The following PDGFA variants were observed in gnomAD, a reference collection of about 807,000 sequenced individuals.
The protein encoded by PDGFA is platelet derived growth factor subunit A, also known as platelet-derived growth factor subunit A.
A neutral mutation model predicts 25.6 loss-of-function variants in PDGFA; 9 were observed. The ratio of observed to expected loss-of-function variants is 0.35; its 90% confidence interval spans 0.21 to 0.61. The LOEUF (loss-of-function observed/expected upper bound fraction) is 0.61. Among genes scored for constraint, PDGFA ranks in the 20% least tolerant of loss-of-function variants. The probability of loss-of-function intolerance (pLI) is 0.75; values close to 1 mark genes in which losing one functional copy is unlikely to be tolerated. For synonymous variants in PDGFA, 133 were observed against 111.8 expected (o/e 1.19, Z -1.20); for missense variants, 242 against 272.8 (o/e 0.89, Z 0.79).
intron 4 of PDGFA, among the ~76,000 whole-genome samples, chr7:502,672 C>A (rs951403727): frequency 3.3e-5 from 5 of 152,116 alleles, no homozygotes; most frequent in African/African-American, 1.2e-4. Flanking sequence ...GGGGGTCCTG[C>A]CTCCACAGCC....
intron 3 of PDGFA, among the ~76,000 whole-genome samples, chr7:511,459 C>G (rs142977561): frequency 0.062 from 9,094 of 147,288 alleles, 423 homozygotes; most frequent in Non-Finnish European, 0.095. Context: ...AATCCTACAG[C>G]ACTTGCTGCA....
At chr7:508,146 CG>C (rs1156832568) in intron 4 of PDGFA, among the ~76,000 whole-genome samples, 14 of 152,142 alleles carry the variant, frequency 9.2e-5, no homozygotes, top group Admixed American at 9.2e-4. Flanking sequence ...AAGTCCTTCC[CG>C]GAGAACCTTC....
upstream of PDGFA, chr7:520,154 G>A (rs1179654626): frequency 6.6e-6 from 2 of 304,236 alleles, no homozygotes; most frequent in South Asian, 4.8e-5. Flanking sequence ...ACCGGGTGGG[G>A]AGGGAGGAGG....
chr7:519,127 C>T, exon 1 of PDGFA: 1 of 631,346 alleles, frequency 1.6e-6, no homozygotes, highest in Non-Finnish European at 2.6e-6. Context: ...GAGGGTGGCG[C>T]GGGGAGCACG....
intron 5 of PDGFA, among the ~76,000 whole-genome samples, chr7:498,987 G>T (rs1230876212): frequency 6.6e-6 from 1 of 152,224 alleles, no homozygotes; most frequent in African/African-American, 2.4e-5. Context: ...CCAGACAGAA[G>T]AGTCTGCACC....
In PDGFA at chr7:517,856, C is replaced by A. The variant is rs1409606926; in HGVS notation, c.64-366G>T. ...GTTTCTGATTTAATAGTGAGATCAA[C>A]ATCTAGAAAGATCAAGTTAAAATGC... is the stretch of plus-strand genomic sequence containing the variant. On this transcript the variant is annotated intron_variant, in intron 1 of 5. Coordinates refer to ENST00000402802, the Ensembl canonical transcript of PDGFA. The surrounding 1 kb of genome is among the most constrained non-coding windows in gnomAD (Gnocchi z 7.4). 6.6e-6 allele frequency among the ~76,000 whole-genome samples: 1 copy of A among 152,014 alleles called. No individual in the cohort carries two copies. The highest frequency in any genetic ancestry group is 2.4e-5 in the African/African-American group (1 of 41,380).
intron 2 of PDGFA, among the ~76,000 whole-genome samples, chr7:514,797 G>A (rs1263669951): frequency 6.6e-6 from 1 of 152,182 alleles, no homozygotes; most frequent in East Asian, 1.9e-4. Context: ...CCCTAAACGC[G>A]GGCTGCCGGT....
exon 1 of PDGFA, chr7:519,326 C>A: frequency 3.3e-6 from 1 of 304,498 alleles, no homozygotes. Flanking sequence ...CCGGTGCTGG[C>A]CGCCGCCGCG....
chr7:518,918 G>T, intron 1 of PDGFA, 21 bp downstream of exon 1: 1 of 1,499,960 alleles, frequency 6.7e-7, no homozygotes, highest in Non-Finnish European at 8.9e-7. Context: ...CGCAGGGACG[G>T]GGCGCGGGGG....
rs2128389771 is a variant in PDGFA, at chr7:500,560, G to A, written c.580+556C>T. The A allele has an allele frequency of 5.0e-6, 8 of 1,612,256 alleles. No individual in the cohort carries two copies. The highest frequency in any genetic ancestry group is 6.8e-6 in the Non-Finnish European group (8 of 1,179,680). ...GGGACGGCCGTCGGGGTGAAGAACT[G>A]AAGCAACAAATACCTACGGCATTTG... On this transcript the variant is annotated intron_variant, in intron 5 of 5. Coordinates refer to ENST00000402802, the Ensembl canonical transcript of PDGFA. The surrounding 1 kb of genome is among the most constrained non-coding windows in gnomAD (Gnocchi z 5.0).
chr7:509,590 C>T (rs1782709109), intron 4 of PDGFA, among the ~76,000 whole-genome samples: 1 of 152,172 alleles, frequency 6.6e-6, no homozygotes, highest in Non-Finnish European at 1.5e-5. Context: ...CTCGCCTGGC[C>T]CGATTAGTTT....
intron 4 of PDGFA, 107 bp from the exon 5 acceptor site, chr7:501,349 C>T: frequency 2.2e-6 from 3 of 1,350,650 alleles, no homozygotes; most frequent in East Asian, 2.3e-5. Flanking sequence ...AGCAGCCTGA[C>T]CCCTGACCTC....
chr7:512,406 G>A (rs1782896953), exon 3 of PDGFA: 1 of 1,613,776 alleles, frequency 6.2e-7, no homozygotes, highest in Non-Finnish European at 8.5e-7. Flanking sequence ...CATGCTTAGT[G>A]GCATGGACCC....
chr7:514,393 G>A (rs952289699), intron 2 of PDGFA, among the ~76,000 whole-genome samples: 7 of 152,168 alleles, frequency 4.6e-5, no homozygotes, highest in Non-Finnish European at 8.8e-5. Flanking sequence ...CTTGAGACAA[G>A]GGACAGAGGG....
chr7:511,895 G>A (rs894404236), intron 3 of PDGFA, among the ~76,000 whole-genome samples: 1 of 152,088 alleles, frequency 6.6e-6, no homozygotes, highest in African/African-American at 2.4e-5. Context: ...GGTGTGGTGA[G>A]GGTGTCGGGG....
At chr7:513,584 C>G (rs1562492037) in intron 2 of PDGFA, 2 of 152,294 alleles carry the variant, frequency 1.3e-5, no homozygotes, top group South Asian at 2.1e-4. Flanking sequence ...CCAGGATGCT[C>G]CAGAGGCACA....
At position 510,285 on chromosome 7, in the gene PDGFA, C is replaced by T. The variant is rs558049829; in HGVS notation, c.453+524G>A. Among the ~76,000 whole-genome samples the T allele has an allele frequency of 9.9e-5, 15 of 152,174 alleles. No individual in the cohort carries two copies. In the South Asian group the frequency reaches 2.7e-3, roughly 27 times the overall value. On this transcript the variant is annotated intron_variant, in intron 4 of 5. Coordinates refer to ENST00000402802, the Ensembl canonical transcript of PDGFA. The stretch of plus-strand genomic sequence containing the variant: ...CAGGTGCTCCTTCTCCTCCCTGGGC[C>T]TCAGTGTACCTGCCAGGGAGATGGG...
At chr7:510,726 G>A in intron 4 of PDGFA, 83 bp downstream of exon 4, 3 of 429,732 alleles carry the variant, frequency 7.0e-6, no homozygotes, top group South Asian at 2.1e-5. Flanking sequence ...GGGGAGGGGA[G>A]AGGAGGGGAG....
chr7:515,406 A>G (rs1372111447), intron 2 of PDGFA, among the ~76,000 whole-genome samples: 1 of 151,802 alleles, frequency 6.6e-6, no homozygotes, highest in Non-Finnish European at 1.5e-5. Flanking sequence ...AAGAAAAGAC[A>G]CCCCCTACAA....
Sources: gnomAD v4.1 joint callset for allele counts (sites outside exome capture counted in the v4.1 genomes callset) on GRCh38, gnomAD v4.1.1 for gene constraint, Gnocchi (gnomAD v3.1) non-coding constraint, MANE v1.5 for transcripts, NCBI Gene and HGNC (gene_info 2026-07-23, HGNC 2026-07-21) for gene names.